Variants in SETBP1 observed in about 807,000 individuals in gnomAD.
SETBP1 encodes SET binding protein 1.
Under a neutral mutation model 101.0 loss-of-function variants are expected in SETBP1, and 9 were observed. That is an observed-to-expected ratio of 0.09 (90% CI 0.05 to 0.16). SETBP1 has a LOEUF of 0.16. Ranked by LOEUF, SETBP1 falls within the 10% of genes least tolerant of loss-of-function variation. The pLI, the probability that SETBP1 is intolerant of heterozygous loss-of-function variation, is 1.00. For synonymous variants in SETBP1, 818 were observed against 788.5 expected (o/e 1.04, Z -0.63); for missense variants, 1,858 against 2,033.8 (o/e 0.91, Z 1.66).
At chr18:45,006,789 T>G (rs902685614) in intron 4 of SETBP1, among the ~76,000 whole-genome samples, 1 of 152,202 alleles carries the variant, frequency 6.6e-6, no homozygotes, top group Non-Finnish European at 1.5e-5. Context: ...ACCATACATC[T>G]TTTTAGGGGG....
At chr18:44,748,909 T>G (rs562437250) in intron 2 of SETBP1, among the ~76,000 whole-genome samples, 4 of 152,268 alleles carry the variant, frequency 2.6e-5, no homozygotes, top group African/African-American at 9.6e-5. Flanking sequence ...AGAGAGGTGG[T>G]AAGCAAAAGT....
intron 3 of SETBP1, among the ~76,000 whole-genome samples, chr18:44,913,805 G>A (rs2070367776): frequency 2.0e-5 from 3 of 152,218 alleles, no homozygotes; most frequent in Non-Finnish European, 1.5e-5. Flanking sequence ...AGTGACTATA[G>A]CCAACTGTGG....
intron 4 of SETBP1, among the ~76,000 whole-genome samples, chr18:45,035,152 A>AT (rs918752889): frequency 2.6e-5 from 4 of 152,138 alleles, no homozygotes; most frequent in African/African-American, 9.7e-5. Context: ...CCTCAGATAG[A>AT]TTTTGTGGAT....
At chr18:44,943,526 G>A (rs1040848579) in intron 3 of SETBP1, among the ~76,000 whole-genome samples, 17 of 152,234 alleles carry the variant, frequency 1.1e-4, no homozygotes, top group African/African-American at 4.1e-4. Context: ...TCACCTGAGA[G>A]CTTTGAAAAA....
At chr18:45,061,890 G>A (rs561191509) in intron 5 of SETBP1, among the ~76,000 whole-genome samples, 2 of 152,320 alleles carry the variant, frequency 1.3e-5, no homozygotes, top group South Asian at 4.1e-4. Flanking sequence ...GCTCCTTTCG[G>A]GTTGAACATG....
At chr18:44,749,874 T>A (rs777666025) in intron 2 of SETBP1, among the ~76,000 whole-genome samples, 1 of 152,232 alleles carries the variant, frequency 6.6e-6, no homozygotes, top group Non-Finnish European at 1.5e-5. Context: ...TTCTCTGATA[T>A]GCCAATGCAT....
chr18:44,783,507 A>T (rs566394354), intron 2 of SETBP1, among the ~76,000 whole-genome samples: 2 of 152,372 alleles, frequency 1.3e-5, no homozygotes, highest in South Asian at 2.1e-4. Flanking sequence ...AAATAGAAAG[A>T]TACCCCAAGC....
chr18:44,731,537 A>G (rs1286324557), intron 2 of SETBP1, among the ~76,000 whole-genome samples: 2 of 152,192 alleles, frequency 1.3e-5, no homozygotes, highest in African/African-American at 4.8e-5. Flanking sequence ...ATTTGTGAAT[A>G]AAAATGTTGG....
intron 2 of SETBP1, among the ~76,000 whole-genome samples, chr18:44,739,441 G>C (rs978271140): frequency 1.6e-4 from 24 of 151,884 alleles, no homozygotes; most frequent in African/African-American, 5.8e-4. Context: ...TTTATACTGG[G>C]GAATGAAATA....
chr18:44,897,111 G>A (rs541351091), intron 3 of SETBP1, among the ~76,000 whole-genome samples: 32 of 152,284 alleles, frequency 2.1e-4, no homozygotes, highest in Non-Finnish European at 3.4e-4. Flanking sequence ...AGAAAAGCAC[G>A]ATAGAGGTTA....
intron 5 of SETBP1, among the ~76,000 whole-genome samples, chr18:45,039,837 G>A (rs1033120747): frequency 6.6e-6 from 1 of 152,146 alleles, no homozygotes; most frequent in Non-Finnish European, 1.5e-5. Flanking sequence ...TAGAAAATGA[G>A]CCCAGTTGAA....
At chr18:44,777,109 A>G (rs933203477) in intron 2 of SETBP1, among the ~76,000 whole-genome samples, 18 of 152,302 alleles carry the variant, frequency 1.2e-4, no homozygotes, top group African/African-American at 4.1e-4. Flanking sequence ...TGAAGCCAGA[A>G]GGTTGAGACC....
chr18:44,930,316 T>A lies in SETBP1; in HGVS notation c.541-19565T>A, dbSNP rs186060692. Among the ~76,000 whole-genome samples, 504 of 152,340 alleles carry A rather than the reference T, an allele frequency of 3.3e-3. 5 individuals carry two copies. Among genetic ancestry groups the A allele is most frequent in the African/African-American group, 0.012 (483 of 41,580 alleles). On this transcript the variant is annotated intron_variant, in intron 3 of 5. Coordinates refer to ENST00000649279, the MANE Select transcript of SETBP1 (RefSeq NM_015559.3). ...TGATCGTGGTGGATAAGCTTTTTGA[T>A]GTGCTGCTGGATTCGGTTTGCCAGT...
At chr18:44,959,662 C>A (rs1599379419) in intron 4 of SETBP1, among the ~76,000 whole-genome samples, 1 of 152,212 alleles carries the variant, frequency 6.6e-6, no homozygotes, top group African/African-American at 2.4e-5. Flanking sequence ...AGAGCAAGGG[C>A]TGTCCAAGTG....
intron 2 of SETBP1, among the ~76,000 whole-genome samples, chr18:44,783,885 G>A (rs2071186913): frequency 6.6e-6 from 1 of 152,158 alleles, no homozygotes; most frequent in Non-Finnish European, 1.5e-5. Context: ...TTTATATTAA[G>A]CCTTGGGCAA....
At chr18:44,972,449 C>G (rs2071887537) in intron 4 of SETBP1, among the ~76,000 whole-genome samples, 1 of 152,170 alleles carries the variant, frequency 6.6e-6, no homozygotes, top group Admixed American at 6.5e-5. Context: ...GGCATTGAAT[C>G]TAGAAATTAC....
chr18:44,859,726 G>A (rs1220323489), intron 2 of SETBP1, among the ~76,000 whole-genome samples: 6 of 152,210 alleles, frequency 3.9e-5, no homozygotes, highest in Non-Finnish European at 7.3e-5. Flanking sequence ...AAAAATCATA[G>A]TGACTTTTCA....
At chr18:45,051,682 G>A (rs992765486) in intron 5 of SETBP1, among the ~76,000 whole-genome samples, 2 of 152,064 alleles carry the variant, frequency 1.3e-5, no homozygotes, top group Admixed American at 6.5e-5. Context: ...GGGACCCATC[G>A]TTTCAGTCAA....
chr18:44,812,687 C>T (rs1323104903), intron 2 of SETBP1, among the ~76,000 whole-genome samples: 14 of 151,986 alleles, frequency 9.2e-5, no homozygotes, highest in African/African-American at 3.1e-4. Context: ...TGTCTGTGCC[C>T]CAATTGCTCA....
Sources: gnomAD v4.1 joint callset for allele counts (sites outside exome capture counted in the v4.1 genomes callset) on GRCh38, gnomAD v4.1.1 for gene constraint, MANE v1.5 for transcripts, NCBI Gene and HGNC (gene_info 2026-07-23, HGNC 2026-07-21) for gene names.